Variants in SAMSN1 observed in about 807,000 individuals in gnomAD.
The protein encoded by SAMSN1 is SAM domain, SH3 domain and nuclear localization signals 1, also known as SAM domain-containing protein SAMSN-1.
A neutral mutation model predicts 42.0 loss-of-function variants in SAMSN1; 31 were observed. The observed-to-expected ratio is 0.74, with a 90% confidence interval of 0.55 to 1.00. The LOEUF is 1.00. Among genes scored for constraint, SAMSN1 ranks in the 50% least tolerant of loss-of-function variants. The probability of loss-of-function intolerance (pLI) is 0.00; values close to 1 mark genes in which losing one functional copy is unlikely to be tolerated. For missense variants in SAMSN1, 464 were observed against 439.4 expected, an observed-to-expected ratio of 1.06 and a Z score of -0.50; for synonymous variants, 178 against 151.9, an observed-to-expected ratio of 1.17 and a Z score of -1.26.
chr21:14,582,215 G>A (rs1981757233), exon 2 of SAMSN1: 12 of 1,550,742 alleles, frequency 7.7e-6, no homozygotes, highest in Admixed American at 3.9e-5. Flanking sequence ...GTGGTCCCAG[G>A]GTCCAACTTG....
intron 1 of SAMSN1, among the ~76,000 whole-genome samples, chr21:14,522,665 A>G (rs1428969481): frequency 1.3e-5 from 2 of 152,090 alleles, no homozygotes; most frequent in Non-Finnish European, 2.9e-5. Context: ...ACTTTTCATC[A>G]CAAAAACATC....
intron 1 of SAMSN1, among the ~76,000 whole-genome samples, chr21:14,655,399 A>G (rs1983900312): frequency 6.6e-6 from 1 of 151,808 alleles, no homozygotes; most frequent in Non-Finnish European, 1.5e-5. Flanking sequence ...CAAGAAAACA[A>G]CAGATCAATT....
At chr21:14,509,538 G>GAAATAA (rs1315960935) in intron 5 of SAMSN1, among the ~76,000 whole-genome samples, 1 of 152,046 alleles carries the variant, frequency 6.6e-6, no homozygotes, top group African/African-American at 2.4e-5. Context: ...ATAACCTATG[G>GAAATAA]AAATAAAAAT....
intron 2 of SAMSN1, among the ~76,000 whole-genome samples, chr21:14,552,121 A>C (rs1337686891): frequency 1.3e-5 from 2 of 152,102 alleles, no homozygotes; most frequent in Non-Finnish European, 2.9e-5. Context: ...TCTATAATTA[A>C]GATTCAGTAT....
chr21:14,561,996 C>T (rs1043774284), intron 2 of SAMSN1, among the ~76,000 whole-genome samples: 4 of 152,268 alleles, frequency 2.6e-5, no homozygotes, highest in Non-Finnish European at 5.9e-5. Flanking sequence ...GACTTTTAGC[C>T]TCCAGAACTG....
At chr21:14,588,517 ATG>A (rs1307329378) in intron 7 of SAMSN1, among the ~76,000 whole-genome samples, 1 of 151,334 alleles carries the variant, frequency 6.6e-6, no homozygotes, top group African/African-American at 2.4e-5. Flanking sequence ...GCATTTTTTC[ATG>A]TGTTTTTTGG....
intron 1 of SAMSN1, among the ~76,000 whole-genome samples, chr21:14,533,085 AT>A (rs923102946): frequency 6.3e-4 from 95 of 151,344 alleles, no homozygotes; most frequent in Non-Finnish European, 1.5e-4. Flanking sequence ...GCTAACTTTT[AT>A]TTTTTTTATT....
chr21:14,649,287 G>A (rs113610847), intron 1 of SAMSN1, among the ~76,000 whole-genome samples: 5 of 129,246 alleles, frequency 3.9e-5, no homozygotes, highest in South Asian at 3.2e-4. Context: ...TGGGGGGAGG[G>A]GGGGAGGGAT....
intron 2 of SAMSN1, among the ~76,000 whole-genome samples, chr21:14,580,848 C>A (rs996230731): frequency 2.6e-5 from 4 of 152,012 alleles, no homozygotes; most frequent in Admixed American, 2.0e-4. Context: ...GAGTAGGCTC[C>A]CTGGATACAC....
intron 2 of SAMSN1, among the ~76,000 whole-genome samples, chr21:14,617,557 G>A (rs1419104413): frequency 6.6e-6 from 1 of 152,090 alleles, no homozygotes; most frequent in African/African-American, 2.4e-5. Flanking sequence ...ATGCAATCGG[G>A]ACCAAATATG....
chr21:14,526,860 C>T (rs993235504), intron 1 of SAMSN1, among the ~76,000 whole-genome samples: 1 of 152,138 alleles, frequency 6.6e-6, no homozygotes, highest in African/African-American at 2.4e-5. Flanking sequence ...TACAGGGTCT[C>T]TATGTAGAAA....
chr21:14,492,714 G>T (rs1600856350), intron 7 of SAMSN1, among the ~76,000 whole-genome samples: 1 of 152,256 alleles, frequency 6.6e-6, no homozygotes, highest in East Asian at 1.9e-4. Flanking sequence ...TTATTTTATA[G>T]TTTTTTGTAT....
At chr21:14,548,863 G>A (rs777209576), upstream of SAMSN1, among the ~76,000 whole-genome samples, 5 of 151,918 alleles carry the variant, frequency 3.3e-5, no homozygotes, top group Non-Finnish European at 7.4e-5. Context: ...CAAGAATGAA[G>A]CAGAGAGTCA....
chr21:14,643,310 T>A (rs543607341), intron 1 of SAMSN1, among the ~76,000 whole-genome samples: 2 of 152,298 alleles, frequency 1.3e-5, no homozygotes, highest in South Asian at 4.1e-4. Context: ...AAGCCAGGAA[T>A]TATTACACAG....
chr21:14,639,147 G>A (rs1337495594), intron 2 of SAMSN1, among the ~76,000 whole-genome samples: 2 of 152,218 alleles, frequency 1.3e-5, no homozygotes, highest in Non-Finnish European at 2.9e-5. Context: ...AATATAGACA[G>A]CAAGTCAGAT....
At chr21:14,509,249 G>T (rs927646378) in intron 5 of SAMSN1, among the ~76,000 whole-genome samples, 1 of 152,196 alleles carries the variant, frequency 6.6e-6, no homozygotes, top group Non-Finnish European at 1.5e-5. Flanking sequence ...AATGGCATTT[G>T]CAGTGACCAA....
At chr21:14,542,594 A>T (rs1000567245) in intron 1 of SAMSN1, among the ~76,000 whole-genome samples, 14 of 152,228 alleles carry the variant, frequency 9.2e-5, no homozygotes, top group Non-Finnish European at 1.3e-4. Context: ...AATATTGTAT[A>T]TGCTTAAAAG....
chr21:14,651,254 T>C (rs987204469), intron 1 of SAMSN1, among the ~76,000 whole-genome samples: 6 of 151,512 alleles, frequency 4.0e-5, no homozygotes, highest in Non-Finnish European at 5.9e-5. Flanking sequence ...GGCCAATATT[T>C]CTGATGAATA....
intron 4 of SAMSN1, 39 bp from the exon 5 acceptor site, chr21:14,510,500 TATAAC>T (rs778630309): frequency 1.7e-5 from 28 of 1,609,794 alleles, no homozygotes; most frequent in Middle Eastern, 1.7e-4. Context: ...ATGGAAGACT[TATAAC>T]ATTCTGAATC....
Sources: gnomAD v4.1 joint callset for allele counts (sites outside exome capture counted in the v4.1 genomes callset) on GRCh38, gnomAD v4.1.1 for gene constraint, MANE v1.5 for transcripts, NCBI Gene and HGNC (gene_info 2026-07-23, HGNC 2026-07-21) for gene names.